Variants in SLC2A10 observed in about 807,000 individuals in gnomAD.
The protein encoded by SLC2A10 is solute carrier family 2 member 10.
SLC2A10 carries 25 observed loss-of-function variants against 32.1 expected under a neutral mutation model. The ratio of observed to expected loss-of-function variants is 0.78; its 90% CI spans 0.57 to 1.09. SLC2A10 has a LOEUF of 1.09. Ranked by LOEUF, SLC2A10 falls within the 50% of genes least tolerant of loss-of-function variation. The pLI, the probability that SLC2A10 is intolerant of heterozygous loss-of-function variation, is 0.00. For synonymous variants in SLC2A10, 332 were observed against 309.6 expected (o/e 1.07, Z -0.76); for missense variants, 673 against 686.5 (o/e 0.98, Z 0.22).
At chr20:46,730,531 G>C (rs1980241778) in intron 4 of SLC2A10, among the ~76,000 whole-genome samples, 1 of 152,176 alleles carries the variant, frequency 6.6e-6, no homozygotes, top group South Asian at 2.1e-4. Context: ...TAATGATGAG[G>C]GGAGGAGCAT....
rs561556038 is a variant in SLC2A10 at position 46,733,877 on chromosome 20, G to C, written c.*43G>C. On this transcript the variant is annotated 3_prime_UTR_variant, in exon 5 of 5. Transcript: ENST00000359271. ...AAATTCTGGAACTGTGGCTTTGGCA[G>C]ACCATCTCCAGCATCCTGCTTCCTA... 6.3e-7 allele frequency: 1 copy of C among 1,584,012 alleles called. No homozygotes were observed. The highest frequency in any genetic ancestry group is 1.3e-5 in the African/African-American group (1 of 74,348).
intron 1 of SLC2A10, among the ~76,000 whole-genome samples, chr20:46,719,572 C>A (rs1292706532): frequency 5.9e-5 from 9 of 152,170 alleles, no homozygotes. Context: ...TTATTCACTA[C>A]CACGAAACAG....
intron 1 of SLC2A10, among the ~76,000 whole-genome samples, chr20:46,715,096 C>T (rs893783113): frequency 2.0e-5 from 3 of 152,148 alleles, no homozygotes; most frequent in African/African-American, 7.2e-5. Flanking sequence ...GCCTTAACCT[C>T]CACATCTGTA....
In SLC2A10 at chr20:46,709,700, C is replaced by G. The variant is rs1434265405; in HGVS notation, c.-37C>G. 4 of 1,539,568 alleles carry G rather than the reference C, an allele frequency of 2.6e-6. No individual in the cohort carries two copies. ...CCGGCGGGGGATGCGCGCCCGGCCC[C>G]TCAGCGCCCCCAGCACGCCGCCGAG... is the stretch of plus-strand genomic sequence containing the variant. On this transcript the variant is annotated 5_prime_UTR_variant, in exon 1 of 5. Transcript: ENST00000359271.
At chr20:46,724,974 G>A in intron 1 of SLC2A10, 67 bp from the exon 2 acceptor site, 3 of 1,609,910 alleles carry the variant, frequency 1.9e-6, no homozygotes, top group South Asian at 1.1e-5. Flanking sequence ...ATGGAGGGAA[G>A]GTTGAATGGA....
chr20:46,714,083 T>C (rs1344600640), intron 1 of SLC2A10, among the ~76,000 whole-genome samples: 1 of 151,872 alleles, frequency 6.6e-6, no homozygotes, highest in Non-Finnish European at 1.5e-5. Flanking sequence ...ATCCAGAAAT[T>C]GGCAATGAGT....
At chr20:46,709,574 C>A, upstream of SLC2A10, 2 of 885,746 alleles carry the variant, frequency 2.3e-6, no homozygotes, top group South Asian at 4.4e-5. Flanking sequence ...CCTGGCTGGC[C>A]GACGTGGCGT....
chr20:46,733,845 T>A lies in SLC2A10; in HGVS notation c.*11T>A, dbSNP rs750181037. 2 of 1,613,812 alleles carry A rather than the reference T, an allele frequency of 1.2e-6. No individual in the cohort carries two copies. Among genetic ancestry groups the A allele is most frequent in the Admixed American group, 3.3e-5 (2 of 60,026 alleles). On this transcript the variant is annotated 3_prime_UTR_variant, in exon 5 of 5. Transcript: ENST00000359271. ...TCTGCGGCCTCCTGAGGAATCCGTC[T>A]GCCTGGAAATTCTGGAACTGTGGCT...
intron 1 of SLC2A10, chr20:46,710,383 TA>T (rs1978841182): frequency 4.3e-6 from 1 of 234,038 alleles, no homozygotes; most frequent in African/African-American, 2.2e-5. Context: ...GACATTGATA[TA>T]GGGGTTAGAG....
chr20:46,729,524 T>C, intron 4 of SLC2A10, 36 bp downstream of exon 4: 1 of 1,612,248 alleles, frequency 6.2e-7, no homozygotes, highest in Non-Finnish European at 8.5e-7. Context: ...GGGGAAGAGC[T>C]GTAGCACACC....
intron 1 of SLC2A10, among the ~76,000 whole-genome samples, chr20:46,712,651 C>CTTTTTTTTTTTTTTTTTTT (rs11477202): frequency 1.3e-4 from 12 of 94,422 alleles, no homozygotes; most frequent in African/African-American, 1.5e-4. Context: ...TTCTTTCTTT[C>CTTTTTTTTTTTTTTTTTTT]TTTTTTTTTT....
chr20:46,728,785 T>TTTTTTTA (rs1310979778), intron 3 of SLC2A10, among the ~76,000 whole-genome samples: 1 of 151,668 alleles, frequency 6.6e-6, no homozygotes, highest in Non-Finnish European at 1.5e-5. Context: ...GCCCAGCTAA[T>TTTTTTTA]TTTTTTATTT....
intron 4 of SLC2A10, among the ~76,000 whole-genome samples, chr20:46,730,093 A>G (rs1452310998): frequency 1.3e-5 from 2 of 152,224 alleles, no homozygotes; most frequent in South Asian, 2.1e-4. Context: ...TCTTAAAACC[A>G]TAAACTATCT....
At chr20:46,731,810 G>A (rs1431843352) in intron 4 of SLC2A10, among the ~76,000 whole-genome samples, 1 of 152,178 alleles carries the variant, frequency 6.6e-6, no homozygotes, top group Non-Finnish European at 1.5e-5. Flanking sequence ...GGCATGTCCA[G>A]GGATTTTGAC....
At chr20:46,711,399 C>T (rs1978904105) in intron 1 of SLC2A10, among the ~76,000 whole-genome samples, 1 of 152,114 alleles carries the variant, frequency 6.6e-6, no homozygotes, top group Non-Finnish European at 1.5e-5. Flanking sequence ...CGTGGCCTGT[C>T]ATGGTGGATT....
chr20:46,735,462 T>A lies in SLC2A10; in HGVS notation c.*1628T>A, dbSNP rs886056734. 5 of 152,380 alleles carry A rather than the reference T, an allele frequency of 3.3e-5. No homozygotes were observed. The highest frequency in any genetic ancestry group is 7.2e-5 in the African/African-American group (3 of 41,456). The allele number at this position is 152,380 out of a possible 1,614,324, so 9.4% of individuals were successfully genotyped here. A position where few individuals can be genotyped will look rare whatever the true frequency, so the allele number is the denominator to read the frequency against. Reference sequence around the variant, plus strand: ...AGTAAATTACATTAAAACAAAAAAATTATACTCAAAATTCATTACTTAATT... The same window carrying A: ...AGTAAATTACATTAAAACAAAAAAAATATACTCAAAATTCATTACTTAATT... On this transcript the variant is annotated 3_prime_UTR_variant, in exon 5 of 5. Transcript: ENST00000359271.
At chr20:46,731,456 C>T (rs1280719126) in intron 4 of SLC2A10, among the ~76,000 whole-genome samples, 1 of 152,228 alleles carries the variant, frequency 6.6e-6, no homozygotes, top group Non-Finnish European at 1.5e-5. Flanking sequence ...GGCATCTCTG[C>T]CACACTGGTT....
chr20:46,712,655 T>C (rs1238226564), intron 1 of SLC2A10, among the ~76,000 whole-genome samples: 7 of 139,748 alleles, frequency 5.0e-5, no homozygotes, highest in South Asian at 4.8e-4. Flanking sequence ...TTCTTTCTTT[T>C]TTTTTTTTTT....
intron 1 of SLC2A10, among the ~76,000 whole-genome samples, chr20:46,724,627 T>TTGGATGGA (rs112083429): frequency 1.4e-4 from 19 of 134,850 alleles, no homozygotes; most frequent in Admixed American, 4.4e-4. Flanking sequence ...TGGATGGTGG[T>TTGGATGGA]TGGATGGATG....
Sources: allele counts gnomAD v4.1 joint callset (sites outside exome capture counted in the v4.1 genomes callset), GRCh38; gene constraint gnomAD v4.1.1; transcripts MANE v1.5; gene names NCBI Gene and HGNC (gene_info 2026-07-23, HGNC 2026-07-21).